Variants in RASAL1 observed in about 807,000 individuals in gnomAD.
RASAL1 encodes the protein RAS protein activator like 1, also known as rasGAP-activating-like protein 1.
In RASAL1, 72 loss-of-function variants were observed where a neutral mutation model predicts 96.6. The observed-to-expected ratio is 0.75, with a 90% CI of 0.62 to 0.91. The LOEUF (loss-of-function observed/expected upper bound fraction) is 0.91, where lower values mean the gene tolerates loss of function less well. Ranked by LOEUF, RASAL1 falls within the 40% of genes least tolerant of loss-of-function variation. RASAL1 has a pLI of 0.00. For synonymous variants in RASAL1, 405 were observed against 430.4 expected (o/e 0.94, Z 0.73); for missense variants, 1,016 against 1,072.5 (o/e 0.95, Z 0.74).
Position 113,114,835 on chromosome 12 carries a change from C to T in RASAL1, c.1146G>A (p.Glu382=). 2 of 1,614,168 alleles carry T rather than the reference C, an allele frequency of 1.2e-6. No individual in the cohort carries two copies. Among genetic ancestry groups the T allele is most frequent in the Non-Finnish European group, 1.7e-6 (2 of 1,180,002 alleles). ...CCAGGTCCATCTTGCAGGGATCCAGCTCCATGTACTTCTTCTCCTCAAAGA... is the reference window on the plus strand; with the variant it reads ...CCAGGTCCATCTTGCAGGGATCCAGTTCCATGTACTTCTTCTCCTCAAAGA... ...SRVFEEKKYM[E]LDPCKMDLGR... Residue 382 remains glutamate (E), a synonymous_variant, in exon 12 of 21, where the codon GAG becomes GAA. Transcript: ENST00000548055.
chr12:113,116,109 C>T, intron 8 of RASAL1, 58 bp from the exon 9 acceptor site: 1 of 1,427,740 alleles, frequency 7.0e-7, no homozygotes, highest in Non-Finnish European at 9.4e-7. Context: ...ATGGCTCACG[C>T]CTGTAATCCC....
intron 1 of RASAL1, 97 bp from the exon 2 acceptor site, chr12:113,131,038 G>C (rs1951688973): frequency 2.3e-6 from 2 of 876,220 alleles, no homozygotes; most frequent in African/African-American, 3.3e-5. Flanking sequence ...CGGAGGCACA[G>C]ACAGAGAAGG....
intron 5 of RASAL1, among the ~76,000 whole-genome samples, chr12:113,120,610 T>C (rs377532733): frequency 1.9e-4 from 28 of 147,346 alleles, no homozygotes; most frequent in Admixed American, 1.4e-3. Flanking sequence ...GAGAGAGGAG[T>C]GGGGGAAGGG....
Position 113,115,505 on chromosome 12 carries a change from A to C in RASAL1, c.1003+130T>G, listed in dbSNP as rs1951042197. ...TGGGCTCCCAACTGTCTGGAGGTGC[A>C]CAGCACAGGGACCCACAGAAAAAGG... On this transcript the variant is annotated intron_variant, in intron 10 of 20. Transcript: ENST00000548055. This position sits in a 1 kb window ranked among gnomAD's most constrained non-coding sequence, Gnocchi z 4.1. 1.6e-6 allele frequency: 2 copies of C among 1,290,162 alleles called. No homozygotes were observed. The highest frequency in any genetic ancestry group is 4.9e-5 in the East Asian group (2 of 40,462). The allele number at this position is 1,290,162 out of a possible 1,614,324, so 79.9% of individuals were successfully genotyped here.
chr12:113,105,490 G>A (rs894404559), intron 16 of RASAL1, among the ~76,000 whole-genome samples: 1 of 152,248 alleles, frequency 6.6e-6, no homozygotes. Flanking sequence ...GCCACCGCAT[G>A]TGCACATTCT....
Position 113,105,775 on chromosome 12 carries a change from T to C in RASAL1, c.1769A>G (p.Lys590Arg), listed in dbSNP as rs1950623644. The C allele has an allele frequency of 1.9e-6, 3 of 1,614,170 alleles. No homozygotes were observed. The highest frequency in any genetic ancestry group is 4.5e-5 in the East Asian group (2 of 44,882). Residue 590 changes from lysine (K) to arginine (R), a missense_variant, in exon 16 of 21, where the codon AAG becomes AGG. By Grantham distance (26) the Lys-to-Arg change is conservative. Coordinates refer to ENST00000548055, the MANE Select transcript of RASAL1 (RefSeq NM_001301202.2). ...PAGLATRFAF[K>R]KRYVWLSGET... ...CCCGCTGAGCCAGACGTAGCGCTTC[T>C]TGAAGGCAAAGCGCGTGGCCAGGCC...
chr12:113,117,192 G>A lies in RASAL1; in HGVS notation c.643-31C>T, dbSNP rs753533697. The A allele has an allele frequency of 3.5e-5, 53 of 1,519,014 alleles. No individual in the cohort carries two copies. The Middle Eastern group carries it at 5.1e-4, about 15-fold the overall frequency. 94.1% of individuals were successfully genotyped at this position (1,519,014 alleles called of 1,614,324 possible). Reference sequence around the variant, plus strand: ...GAGAGAGACACACAGACCCTCAGCCGGGCCCTGGCCTGCCCTGCCCTGCCT... The same window carrying A: ...GAGAGAGACACACAGACCCTCAGCCAGGCCCTGGCCTGCCCTGCCCTGCCT... On this transcript the variant is annotated intron_variant, in intron 7 of 20. Coordinates refer to ENST00000548055, the MANE Select transcript of RASAL1 (RefSeq NM_001301202.2).
intron 4 of RASAL1, among the ~76,000 whole-genome samples, chr12:113,126,736 T>C (rs1460808122): frequency 6.7e-6 from 1 of 149,102 alleles, no homozygotes; most frequent in African/African-American, 2.5e-5. Flanking sequence ...ACAAAAGGCA[T>C]AGACTCTGGA....
intron 5 of RASAL1, among the ~76,000 whole-genome samples, chr12:113,121,071 C>T (rs766988445): frequency 6.6e-6 from 1 of 152,198 alleles, no homozygotes; most frequent in Non-Finnish European, 1.5e-5. Context: ...GGAGAGTCTG[C>T]CTAAGAATGA....
In RASAL1 at chr12:113,115,731, G is replaced by C. The variant is rs1231496551; in HGVS notation, c.907C>G (p.Gln303Glu). 6.2e-7 allele frequency: 1 copy of C among 1,614,176 alleles called. No homozygotes were observed. Among genetic ancestry groups the C allele is most frequent in the Non-Finnish European group, 8.5e-7 (1 of 1,180,036 alleles). ...TTCACCAGCTTGGTGGCAAGGTCCT[G>C]GCGGCAGTCCCCCAAGGTCAGCTCT... ...LEELTLGDCR[Q>E]DLATKLVKLF... The change falls in exon 10 of 21, where the codon CAG becomes GAG. Residue 303 changes from glutamine (Q) to glutamate (E), a missense_variant. By Grantham distance (29) the Gln-to-Glu change is conservative. Transcript: ENST00000548055. The surrounding 1 kb of genome is among the most constrained non-coding windows in gnomAD (Gnocchi z 4.1).
At position 113,135,298 on chromosome 12, in the gene RASAL1, C is replaced by G; in HGVS notation, c.65+100G>C. On this transcript the variant is annotated intron_variant, in intron 1 of 20. Coordinates refer to ENST00000548055, the MANE Select transcript of RASAL1 (RefSeq NM_001301202.2). This position sits in a 1 kb window ranked among gnomAD's most constrained non-coding sequence, Gnocchi z 5.7. ...AGACCAGTCTTGGACAAGAACCCCT[C>G]GCCCTCCTGCCAACCCGCCCTGGCA... 1.8e-6 allele frequency: 2 copies of G among 1,128,906 alleles called. No homozygotes were observed. The highest frequency in any genetic ancestry group is 2.8e-5 in the South Asian group (2 of 70,442). 69.9% of individuals were successfully genotyped at this position (1,128,906 alleles called of 1,614,324 possible). A position where few individuals can be genotyped will look rare whatever the true frequency, so the allele number is the denominator to read the frequency against.
chr12:113,125,398 C>T (rs1220476345), intron 4 of RASAL1, among the ~76,000 whole-genome samples: 1 of 151,944 alleles, frequency 6.6e-6, no homozygotes, highest in African/African-American at 2.4e-5. Flanking sequence ...TCCTACAAAT[C>T]AATAAGAAAA....
At chr12:113,105,639 C>T in intron 16 of RASAL1, 75 bp downstream of exon 16, 2 of 1,457,852 alleles carry the variant, frequency 1.4e-6, no homozygotes, top group Non-Finnish European at 1.8e-6. Flanking sequence ...CCTCAGTTTC[C>T]CCCTGGGTAC....
At chr12:113,109,997 C>T (rs1330002699) in intron 13 of RASAL1, among the ~76,000 whole-genome samples, 2 of 152,240 alleles carry the variant, frequency 1.3e-5, no homozygotes, top group East Asian at 3.8e-4. Flanking sequence ...GGGCTGAGAA[C>T]TAGAGGACAC....
Position 113,117,089 on chromosome 12 carries a change from C to G in RASAL1, c.715G>C (p.Ala239Pro). ...CACATTTACCCAGAATCCTCCTCGG[C>G]TCTGGGAAAGGGCAGGAGGCGGAAC... ...GWFRLLPFPR[A>P]EEDSGGNLGA... is the part of the protein sequence containing the mutation. Residue 239 changes from alanine (A) to proline (P), a missense_variant, in exon 8 of 21, where the codon GCC becomes CCC. Coordinates refer to ENST00000548055, the MANE Select transcript of RASAL1 (RefSeq NM_001301202.2). The G allele has an allele frequency of 6.2e-7, 1 of 1,606,994 alleles. No homozygotes were observed. The highest frequency in any genetic ancestry group is 8.5e-7 in the Non-Finnish European group (1 of 1,174,598).
chr12:113,109,396 T>C (rs1226662996), intron 13 of RASAL1, among the ~76,000 whole-genome samples: 4 of 152,182 alleles, frequency 2.6e-5, no homozygotes, highest in Non-Finnish European at 5.9e-5. Context: ...GAGTCCATCC[T>C]GTGTGCACCT....
rs1951650879 is a variant in RASAL1, at chr12:113,130,250, A to G, written c.122+635T>C. On this transcript the variant is annotated intron_variant, in intron 2 of 20. Coordinates refer to ENST00000548055, the MANE Select transcript of RASAL1 (RefSeq NM_001301202.2). The surrounding 1 kb of genome is among the most constrained non-coding windows in gnomAD (Gnocchi z 5.1). ...TGATATCCCCCTGCGAGACTCACTG[A>G]CACCCCAAACATCCTCACACCTTCA... 6.6e-6 allele frequency among the ~76,000 whole-genome samples: 1 copy of G among 152,160 alleles called. No homozygotes were observed. Among genetic ancestry groups the G allele is most frequent in the Admixed American group, 6.5e-5 (1 of 15,278 alleles).
Position 113,115,450 on chromosome 12 carries a change from A to G in RASAL1, c.1003+185T>C, listed in dbSNP as rs1232370743. 6.6e-6 allele frequency among the ~76,000 whole-genome samples: 1 copy of G among 152,194 alleles called. No homozygotes were observed. The highest frequency in any genetic ancestry group is 1.5e-5 in the Non-Finnish European group (1 of 68,024). On this transcript the variant is annotated intron_variant, in intron 10 of 20. Transcript: ENST00000548055. The surrounding 1 kb of genome is among the most constrained non-coding windows in gnomAD (Gnocchi z 4.1). ...ATTGCCTGAGGTCACACAGCCCACA[A>G]GTAGCAAAGCCAGGGCCTGAACCTG...
rs1951563955 is a variant in RASAL1, at chr12:113,128,190, G to C, written c.123-12C>G. On this transcript the variant is annotated splice_polypyrimidine_tract_variant and intron_variant, in intron 2 of 20. Coordinates refer to ENST00000548055, the MANE Select transcript of RASAL1 (RefSeq NM_001301202.2). Reference sequence around the variant, plus strand: ...AGACAGTAGCTGTCCTGCAAAAGGAGGTGCAGGGGGCTGGGGTCCTCGGGC... The same window carrying C: ...AGACAGTAGCTGTCCTGCAAAAGGACGTGCAGGGGGCTGGGGTCCTCGGGC... 2 of 1,598,688 alleles carry C rather than the reference G, an allele frequency of 1.3e-6. No individual in the cohort carries two copies. The highest frequency in any genetic ancestry group is 1.7e-4 in the Middle Eastern group (1 of 6,058).
Sources: allele counts gnomAD v4.1 joint callset (sites outside exome capture counted in the v4.1 genomes callset), GRCh38; gene constraint gnomAD v4.1.1; non-coding constraint Gnocchi (gnomAD v3.1); transcripts MANE v1.5; gene names NCBI Gene and HGNC (gene_info 2026-07-23, HGNC 2026-07-21).